The following CNTNAP2 variants were observed in gnomAD, a reference collection of about 807,000 sequenced individuals.
CNTNAP2 encodes the protein contactin associated protein 2.
A neutral mutation model predicts 155.2 loss-of-function variants in CNTNAP2; 98 were observed. That is an observed-to-expected ratio of 0.63 (90% CI 0.54 to 0.75). CNTNAP2 has a LOEUF of 0.75. Among genes scored for constraint, CNTNAP2 ranks in the 30% least tolerant of loss-of-function variants. The pLI is 0.00. For synonymous variants in CNTNAP2, 651 were observed against 631.2 expected (o/e 1.03, Z -0.47); for missense variants, 1,727 against 1,688.1 (o/e 1.02, Z -0.40).
chr7:147,851,376 G>T (rs983357406), intron 13 of CNTNAP2, among the ~76,000 whole-genome samples: 9 of 152,116 alleles, frequency 5.9e-5, no homozygotes, highest in African/African-American at 2.2e-4. Flanking sequence ...ATTCCTCAGG[G>T]ATCTAGAACT....
chr7:146,635,759 T>C (rs1162503569), intron 1 of CNTNAP2, among the ~76,000 whole-genome samples: 1 of 151,354 alleles, frequency 6.6e-6, no homozygotes, highest in Non-Finnish European at 1.5e-5. Context: ...CCTTCCGGAG[T>C]CCTCCTTTTC....
chr7:147,578,087 A>G (rs1216279061), intron 12 of CNTNAP2, among the ~76,000 whole-genome samples: 3 of 152,074 alleles, frequency 2.0e-5, no homozygotes, highest in Non-Finnish European at 4.4e-5. Flanking sequence ...GCAAGGACCA[A>G]ACTTGCTCAG....
intron 15 of CNTNAP2, among the ~76,000 whole-genome samples, chr7:147,985,407 C>CTTTTTT (rs34093586): frequency 2.8e-5 from 3 of 108,046 alleles, no homozygotes; most frequent in Non-Finnish European, 5.1e-5. Flanking sequence ...TATGTTTTTA[C>CTTTTTT]TTTTTTTTTT....
intron 11 of CNTNAP2, among the ~76,000 whole-genome samples, chr7:147,519,031 A>C (rs1254989843): frequency 1.3e-5 from 2 of 151,696 alleles, no homozygotes; most frequent in African/African-American, 4.8e-5. Flanking sequence ...CTCAAAAAAA[A>C]AAAAAAAAAA....
intron 14 of CNTNAP2, among the ~76,000 whole-genome samples, chr7:147,959,139 C>T (rs1245239773): frequency 1.3e-5 from 2 of 152,250 alleles, no homozygotes; most frequent in African/African-American, 4.8e-5. Context: ...TACCTGGTTC[C>T]CTCTGAATTA....
intron 1 of CNTNAP2, among the ~76,000 whole-genome samples, chr7:146,638,880 T>G (rs1799657886): frequency 6.6e-6 from 1 of 152,150 alleles, no homozygotes; most frequent in Admixed American, 6.5e-5. Context: ...AAAACCTAGA[T>G]GGCGGATCCT....
chr7:147,322,704 C>G (rs1563160256), intron 9 of CNTNAP2, among the ~76,000 whole-genome samples: 1 of 143,322 alleles, frequency 7.0e-6, no homozygotes, highest in Non-Finnish European at 1.5e-5. Flanking sequence ...CCATCTGGTC[C>G]TGGACTCTTT....
At chr7:147,309,308 A>C (rs1795083013) in intron 9 of CNTNAP2, among the ~76,000 whole-genome samples, 1 of 152,182 alleles carries the variant, frequency 6.6e-6, no homozygotes. Context: ...AGCAAAAGCC[A>C]ACTTTTTCTA....
intron 3 of CNTNAP2, among the ~76,000 whole-genome samples, chr7:146,910,447 C>T (rs1345076286): frequency 6.7e-6 from 1 of 148,660 alleles, no homozygotes; most frequent in Non-Finnish European, 1.5e-5. Flanking sequence ...GTACTGGTAC[C>T]AAAACAGAGA....
At chr7:147,796,084 T>C (rs1472906861) in intron 13 of CNTNAP2, among the ~76,000 whole-genome samples, 2 of 152,166 alleles carry the variant, frequency 1.3e-5, no homozygotes, top group African/African-American at 4.8e-5. Context: ...GAGACCATGA[T>C]TTGAGAATAG....
At chr7:147,563,775 C>G (rs1800113424) in intron 12 of CNTNAP2, among the ~76,000 whole-genome samples, 1 of 152,112 alleles carries the variant, frequency 6.6e-6, no homozygotes, top group Non-Finnish European at 1.5e-5. Flanking sequence ...GTTTTCTATA[C>G]AAACTTCTTG....
At chr7:147,215,244 G>T (rs540092577) in intron 8 of CNTNAP2, among the ~76,000 whole-genome samples, 4 of 152,110 alleles carry the variant, frequency 2.6e-5, no homozygotes, top group African/African-American at 9.7e-5. Flanking sequence ...GATTTATTTT[G>T]TATTGAACAT....
At position 147,916,865 on chromosome 7, in the gene CNTNAP2, G is replaced by C. The variant is rs145764262; in HGVS notation, c.2255+13144G>C. Among the ~76,000 whole-genome samples, 821 of 152,198 alleles carry C rather than the reference G, an allele frequency of 5.4e-3. 3 individuals carry two copies. The highest frequency in any genetic ancestry group is 0.019 in the African/African-American group (791 of 41,498). On this transcript the variant is annotated intron_variant, in intron 14 of 23. Transcript: ENST00000361727. ...GTTCACCCTCACACCCTCCCTACCA[G>C]GCCAGCCATCTCCTCCCATTACCCC...
chr7:146,509,289 C>CCA (rs1797431940), intron 1 of CNTNAP2, among the ~76,000 whole-genome samples: 1 of 152,152 alleles, frequency 6.6e-6, no homozygotes, highest in South Asian at 2.1e-4. Context: ...TTGCCTTGCC[C>CCA]CTGTGCTAAC....
chr7:146,673,536 CT>C (rs770375435), intron 1 of CNTNAP2, among the ~76,000 whole-genome samples: 2 of 152,266 alleles, frequency 1.3e-5, no homozygotes, highest in Non-Finnish European at 2.9e-5. Flanking sequence ...GTATAGCCTA[CT>C]CTTGTAACAA....
intron 16 of CNTNAP2, among the ~76,000 whole-genome samples, chr7:148,142,577 C>A (rs1472383473): frequency 6.6e-6 from 1 of 152,168 alleles, no homozygotes; most frequent in Non-Finnish European, 1.5e-5. Flanking sequence ...CGTATCATTA[C>A]CAAAACTAAA....
intron 3 of CNTNAP2, among the ~76,000 whole-genome samples, chr7:147,018,416 G>A (rs965232541): frequency 2.0e-5 from 3 of 151,986 alleles, no homozygotes; most frequent in African/African-American, 7.2e-5. Flanking sequence ...TTTGATTTGC[G>A]TGAGAGAAAT....
Position 148,386,893 on chromosome 7 carries a change from T to TG in CNTNAP2, c.3715+3010dup, listed in dbSNP as rs568221666. ...CCAGCTTAGTAGGGAAAAGAGGCAG[T>TG]GGGGGAAAAGGCCTCTATAGGAGGA... is the stretch of plus-strand genomic sequence containing the variant. On this transcript the variant is annotated intron_variant, in intron 22 of 23. Coordinates refer to ENST00000361727, the MANE Select transcript of CNTNAP2 (RefSeq NM_014141.6). 1.1e-3 allele frequency among the ~76,000 whole-genome samples: 164 copies of TG among 152,058 alleles called. 1 individual carries two copies. The highest frequency in any genetic ancestry group is 3.8e-3 in the African/African-American group (159 of 41,492).
At chr7:146,207,604 A>G (rs1798965996) in intron 1 of CNTNAP2, among the ~76,000 whole-genome samples, 1 of 149,276 alleles carries the variant, frequency 6.7e-6, no homozygotes, top group Non-Finnish European at 1.5e-5. Context: ...TTTTTTAGTT[A>G]CAAAATACTT....
Sources: allele counts gnomAD v4.1 joint callset (sites outside exome capture counted in the v4.1 genomes callset), GRCh38; gene constraint gnomAD v4.1.1; transcripts MANE v1.5; gene names NCBI Gene and HGNC (gene_info 2026-07-23, HGNC 2026-07-21).